WSB1: variants seen among roughly 807,000 people sequenced by gnomAD.
WSB1 encodes the protein WD repeat and SOCS box-containing protein 1.
Under a neutral mutation model 50.2 loss-of-function variants are expected in WSB1, and 23 were observed. That is an observed-to-expected ratio of 0.46 (90% CI 0.33 to 0.65). The LOEUF (loss-of-function observed/expected upper bound fraction) is 0.65, where lower values mean the gene tolerates loss of function less well. WSB1 is among the 30% of genes least tolerant of loss of function. The probability of loss-of-function intolerance (pLI) is 0.02; values close to 1 mark genes in which losing one functional copy is unlikely to be tolerated. For missense variants in WSB1, 492 were observed against 522.3 expected, an observed-to-expected ratio of 0.94 and a Z score of 0.56; for synonymous variants, 179 against 172.0, an observed-to-expected ratio of 1.04 and a Z score of -0.32.
At chr17:27,295,987 AC>A (rs2016955704) in intron 1 of WSB1, among the ~76,000 whole-genome samples, 1 of 151,786 alleles carries the variant, frequency 6.6e-6, no homozygotes, top group Admixed American at 6.6e-5. Context: ...ACAGGCATGC[AC>A]ACGCCCGGCT....
Position 27,314,389 on chromosome 17 carries a change from A to G in WSB1, c.*2020A>G, listed in dbSNP as rs1382256266. The G allele has an allele frequency of 1.3e-5, 2 of 152,176 alleles. No homozygotes were observed. The highest frequency in any genetic ancestry group is 1.9e-4 in the East Asian group (1 of 5,158). The allele number at this position is 152,176 out of a possible 1,614,324, so 9.4% of individuals were successfully genotyped here. On this transcript the variant is annotated 3_prime_UTR_variant, in exon 9 of 9. Coordinates refer to ENST00000262394, the MANE Select transcript of WSB1 (RefSeq NM_015626.10). ...CGGGAGTTCATGACAAGCCTGACCA[A>G]CATAGTGAAACCCCTGTCTCTACTA...
At chr17:27,301,678 C>A (rs1396763576) in intron 1 of WSB1, 110 bp from the exon 2 acceptor site, 10 of 1,136,978 alleles carry the variant, frequency 8.8e-6, no homozygotes, top group Admixed American at 6.0e-5. Context: ...ACTCACTATA[C>A]CCTGTCTGCA....
intron 1 of WSB1, among the ~76,000 whole-genome samples, chr17:27,296,253 T>C (rs1347006450): frequency 6.6e-6 from 1 of 151,988 alleles, no homozygotes; most frequent in Non-Finnish European, 1.5e-5. Flanking sequence ...TTTCTTTTTT[T>C]TTTTCATATT....
chr17:27,300,304 A>T lies in WSB1; in HGVS notation c.41-1484A>T, dbSNP rs934832008. On this transcript the variant is annotated intron_variant, in intron 1 of 8. Coordinates refer to ENST00000262394, the MANE Select transcript of WSB1 (RefSeq NM_015626.10). ...GAAATACATAAAAATATATTATTAT[A>T]CAGTGTACAATTGACCAGACAACTG... Among the ~76,000 whole-genome samples the T allele has an allele frequency of 1.4e-4, 22 of 152,230 alleles. 1 individual carries two copies. Among genetic ancestry groups the T allele is most frequent in the Non-Finnish European group, 8.8e-5 (6 of 68,050 alleles).
chr17:27,312,049 C>T (rs1283395867), intron 8 of WSB1, among the ~76,000 whole-genome samples, 161 bp from the exon 9 acceptor site: 1 of 150,928 alleles, frequency 6.6e-6, no homozygotes, highest in Non-Finnish European at 1.5e-5. Flanking sequence ...GTAGTGTTAC[C>T]TTGTCATGGA....
chr17:27,312,077 TCTTC>T (rs1368331336), intron 8 of WSB1, 129 bp from the exon 9 acceptor site: 1 of 1,104,548 alleles, frequency 9.1e-7, no homozygotes, highest in African/African-American at 1.6e-5. Flanking sequence ...ATTGGTTAGT[TCTTC>T]CTGGTTGGGT....
chr17:27,302,642 C>T (rs1346857795), intron 2 of WSB1: 3 of 152,134 alleles, frequency 2.0e-5, no homozygotes, highest in Non-Finnish European at 2.9e-5. Flanking sequence ...CCAGGCTGGT[C>T]TCGAACTCCT....
At position 27,303,413 on chromosome 17, in the gene WSB1, T is replaced by C. The variant is rs2017316031; in HGVS notation, c.256T>C (p.Leu86=). Residue 86 remains leucine (L), a synonymous_variant, in exon 3 of 9, where the codon TTG becomes CTG. Coordinates refer to ENST00000262394, the MANE Select transcript of WSB1 (RefSeq NM_015626.10). ...TGTTACCAATTCAAGCAGTTTAAGA[T>C]TGCCAAGACAAAATAGTGATGGTGG... is the stretch of plus-strand genomic sequence containing the variant. The part of the protein sequence containing the change: ...KNVTNSSSLR[L]PRQNSDGGQK... 2.5e-6 allele frequency: 4 copies of C among 1,614,054 alleles called. No individual in the cohort carries two copies. The highest frequency in any genetic ancestry group is 1.3e-5 in the African/African-American group (1 of 75,030).
intron 3 of WSB1, among the ~76,000 whole-genome samples, chr17:27,304,191 A>C (rs1439091282): frequency 6.6e-6 from 1 of 152,236 alleles, no homozygotes; most frequent in Admixed American, 6.5e-5. Flanking sequence ...ATTAGAACAT[A>C]ACAAGTGATA....
At chr17:27,297,835 C>CTCTA in intron 1 of WSB1, among the ~76,000 whole-genome samples, 1 of 151,682 alleles carries the variant, frequency 6.6e-6, no homozygotes. Flanking sequence ...AGGCTGGGCA[C>CTCTA]GGTGGCTCAT....
At position 27,310,032 on chromosome 17, in the gene WSB1, A is replaced by G. The variant is rs375473067; in HGVS notation, c.885-29A>G. ...ATTTTGTTTTCTTGAAGTGACTGAT[A>G]TCCACTGAAAACATATATTTGACCT... On this transcript the variant is annotated intron_variant, in intron 6 of 8. Transcript: ENST00000262394. 5 of 1,591,332 alleles carry G rather than the reference A, an allele frequency of 3.1e-6. No individual in the cohort carries two copies. In the African/African-American group the frequency reaches 6.7e-5, roughly 21 times the overall value.
At chr17:27,311,465 C>T in intron 7 of WSB1, 44 bp from the exon 8 acceptor site, 1 of 1,527,464 alleles carries the variant, frequency 6.5e-7, no homozygotes. Flanking sequence ...TTGCTTTTAC[C>T]TTACATTTTC....
In WSB1 at chr17:27,314,311, A is replaced by T. The variant is rs1220394453; in HGVS notation, c.*1942A>T. 1 of 152,182 alleles carries T rather than the reference A, an allele frequency of 6.6e-6. No individual in the cohort carries two copies. The highest frequency in any genetic ancestry group is 1.5e-5 in the Non-Finnish European group (1 of 68,032). 9.4% of individuals were successfully genotyped at this position (152,182 alleles called of 1,614,324 possible). A position where few individuals can be genotyped will look rare whatever the true frequency, so the allele number is the denominator to read the frequency against. ...ATACACTGGCCGGGCGCAGTGGCCCACACCTATAATCCCAGCACTTTGGGA... is the reference window on the plus strand; with the variant it reads ...ATACACTGGCCGGGCGCAGTGGCCCTCACCTATAATCCCAGCACTTTGGGA... On this transcript the variant is annotated 3_prime_UTR_variant, in exon 9 of 9. Transcript: ENST00000262394.
intron 1 of WSB1, 117 bp from the exon 2 acceptor site, chr17:27,301,671 C>T (rs2017235082): frequency 1.9e-6 from 2 of 1,048,702 alleles, no homozygotes; most frequent in Non-Finnish European, 2.8e-6. Flanking sequence ...ATGCAGAACT[C>T]ACTATACCCT....
chr17:27,294,147 C>T lies in WSB1; in HGVS notation c.-249C>T, dbSNP rs188344504. On this transcript the variant is annotated 5_prime_UTR_variant, in exon 1 of 9. Coordinates refer to ENST00000262394, the MANE Select transcript of WSB1 (RefSeq NM_015626.10). The stretch of plus-strand genomic sequence containing the variant: ...GTTTGCAGTCGGCGCTTTAGGGGAA[C>T]TGTCTTCCTCCGCAGGCGCGAGGCT... The T allele has an allele frequency of 7.3e-3, 2,516 of 345,396 alleles. 64 individuals are homozygous for T. The highest frequency in any genetic ancestry group is 0.049 in the African/African-American group (2,300 of 47,276). The allele number at this position is 345,396 out of a possible 1,614,324, so 21.4% of individuals were successfully genotyped here. A position where few individuals can be genotyped will look rare whatever the true frequency, so the allele number is the denominator to read the frequency against.
chr17:27,310,110 C>A lies in WSB1; in HGVS notation c.934C>A (p.Arg312=). The A allele has an allele frequency of 6.2e-7, 1 of 1,614,058 alleles. No homozygotes were observed. Among genetic ancestry groups the A allele is most frequent in the South Asian group, 1.1e-5 (1 of 91,070 alleles). ...TPIFAGGAND[R]WVRSVSFSHD... ...AATATTTGCTGGAGGAGCAAATGAC[C>A]GGTGGGTACGATCTGTATCTTTTAG... Residue 312 remains arginine, a synonymous_variant, in exon 7 of 9, where the codon CGG becomes AGG. Transcript: ENST00000262394.
In WSB1 at chr17:27,294,351, T is replaced by G; in HGVS notation, c.-45T>G. The G allele has an allele frequency of 6.2e-7, 1 of 1,610,706 alleles. No homozygotes were observed. The highest frequency in any genetic ancestry group is 8.5e-7 in the Non-Finnish European group (1 of 1,177,858). On this transcript the variant is annotated 5_prime_UTR_variant, in exon 1 of 9. Transcript: ENST00000262394. ...CAGCGGTCGCCACTCTCTTCTCTGT[T>G]GTTGGGTCCGCATCGTATTCCCGGA...
rs1168890829 is a variant in WSB1 at position 27,306,822 on chromosome 17, G to T, written c.651G>T (p.Val217=). The T allele has an allele frequency of 1.2e-6, 2 of 1,614,182 alleles. No individual in the cohort carries two copies. Among genetic ancestry groups the T allele is most frequent in the East Asian group, 2.2e-5 (1 of 44,882 alleles). The change falls in exon 5 of 9, where the codon GTG becomes GTT. Residue 217 remains valine, a synonymous_variant. Coordinates refer to ENST00000262394, the MANE Select transcript of WSB1 (RefSeq NM_015626.10). ...MKVLRGHQNW[V]YSCAFSPDSS... is the part of the protein sequence containing the mutation. The stretch of plus-strand genomic sequence containing the variant: ...TATTGAGGGGGCATCAGAATTGGGT[G>T]TACAGCTGTGCATTCTCTCCTGACT...
In WSB1 at chr17:27,306,823, T is replaced by C; in HGVS notation, c.652T>C (p.Tyr218His). 6.2e-7 allele frequency: 1 copy of C among 1,614,208 alleles called. No individual in the cohort carries two copies. ...ATTGAGGGGGCATCAGAATTGGGTG[T>C]ACAGCTGTGCATTCTCTCCTGACTC... is the stretch of plus-strand genomic sequence containing the variant. ...KVLRGHQNWV[Y>H]SCAFSPDSSM... is the part of the protein sequence containing the mutation. The change falls in exon 5 of 9, where the codon TAC (tyrosine) becomes CAC (histidine). Residue 218 changes from tyrosine (Y) to histidine (H), a missense_variant. By Grantham distance (83) the Tyr-to-His change is moderately conservative. Transcript: ENST00000262394.
Sources: gnomAD v4.1 joint callset for allele counts (sites outside exome capture counted in the v4.1 genomes callset) on GRCh38, gnomAD v4.1.1 for gene constraint, MANE v1.5 for transcripts, NCBI Gene and HGNC (gene_info 2026-07-23, HGNC 2026-07-21) for gene names.